The following ADGRL1 variants were observed in gnomAD, a reference collection of about 807,000 sequenced individuals.
ADGRL1 encodes adhesion G protein-coupled receptor L1, also known as CIRL-1.
In ADGRL1, 31 loss-of-function variants were observed where a neutral mutation model predicts 148.9. That is an observed-to-expected ratio of 0.21 (90% CI 0.16 to 0.28). ADGRL1 has a LOEUF of 0.28. Among genes scored for constraint, ADGRL1 ranks in the 10% least tolerant of loss-of-function variants. The pLI is 1.00. For synonymous variants in ADGRL1, 937 were observed against 900.3 expected (o/e 1.04, Z -0.73); for missense variants, 1,521 against 2,058.8 (o/e 0.74, Z 5.05).
At position 14,159,382 on chromosome 19, in the gene ADGRL1, G is replaced by A. The variant is rs769837782; in HGVS notation, c.2023+19C>T. The A allele has an allele frequency of 1.6e-5, 26 of 1,595,002 alleles. 1 individual carries two copies. Among genetic ancestry groups the A allele is most frequent in the South Asian group, 1.2e-4 (11 of 89,112 alleles). On this transcript the variant is annotated intron_variant, in intron 10 of 22. Coordinates refer to ENST00000361434, the MANE Select transcript of ADGRL1 (RefSeq NM_014921.5). This position sits in a 1 kb window ranked among gnomAD's most constrained non-coding sequence, Gnocchi z 6.0. ...TAAGGTTCGTATCTGAGTTTGCCCT[G>A]GGTGACTGTGGCACTCACCCACGTT...
intron 1 of ADGRL1, among the ~76,000 whole-genome samples, chr19:14,199,458 G>T (rs950884580): frequency 1.3e-5 from 2 of 151,832 alleles, no homozygotes; most frequent in African/African-American, 4.8e-5. Flanking sequence ...TAGAGACAGG[G>T]TCTTACTCTG....
intron 3 of ADGRL1, 136 bp downstream of exon 3, chr19:14,177,395 C>A (rs1389867830): frequency 1.2e-6 from 1 of 804,010 alleles, no homozygotes; most frequent in Non-Finnish European, 2.1e-6. Flanking sequence ...TGCATGGGGC[C>A]CAGCACCTAT....
chr19:14,168,372 T>C (rs1290070804), intron 4 of ADGRL1, among the ~76,000 whole-genome samples: 1 of 152,206 alleles, frequency 6.6e-6, no homozygotes, highest in African/African-American at 2.4e-5. Context: ...CTCCTTCCTC[T>C]GGAGCATCAG....
At chr19:14,186,907 T>C (rs1971606742) in intron 1 of ADGRL1, among the ~76,000 whole-genome samples, 1 of 152,252 alleles carries the variant, frequency 6.6e-6, no homozygotes, top group Non-Finnish European at 1.5e-5. Flanking sequence ...TGACCTACCC[T>C]GACCCCCTGC....
intron 4 of ADGRL1, among the ~76,000 whole-genome samples, chr19:14,163,751 T>C (rs1452578341): frequency 6.6e-6 from 1 of 152,018 alleles, no homozygotes; most frequent in African/African-American, 2.4e-5. Flanking sequence ...CCCCACAGGC[T>C]GGGGAGGAGT....
chr19:14,160,375 G>A lies in ADGRL1; in HGVS notation c.1615-78C>T. ...CTGCCCTCCCCGGCTTCCCTGGCCT[G>A]TGCAGCCTCTCCTATCTCTCTCTCC... On this transcript the variant is annotated intron_variant, in intron 7 of 22. Coordinates refer to ENST00000361434, the MANE Select transcript of ADGRL1 (RefSeq NM_014921.5). This position sits in a 1 kb window ranked among gnomAD's most constrained non-coding sequence, Gnocchi z 5.9. 3 of 1,339,248 alleles carry A rather than the reference G, an allele frequency of 2.2e-6. No individual in the cohort carries two copies. Among genetic ancestry groups the A allele is most frequent in the Non-Finnish European group, 3.1e-6 (3 of 972,622 alleles). The allele number at this position is 1,339,248 out of a possible 1,614,324, so 83.0% of individuals were successfully genotyped here.
chr19:14,201,066 G>A (rs112946751), intron 1 of ADGRL1, among the ~76,000 whole-genome samples: 1,808 of 152,230 alleles, frequency 0.012, 35 homozygotes, highest in African/African-American at 0.041. Flanking sequence ...AGGCTAGGGT[G>A]GCCTCTGAGC....
In ADGRL1 at chr19:14,162,846, C is replaced by T; in HGVS notation, c.955G>A (p.Val319Ile). The change falls in exon 5 of 23, where the codon GTC (valine) becomes ATC (isoleucine). Residue 319 changes from valine to isoleucine, a missense_variant. By Grantham distance (29) the Val-to-Ile change is conservative. Around this residue, in one of 8 missense-constraint regions of ADGRL1, gnomAD observed 334 missense variants for 512.5 expected, o/e 0.65. Transcript: ENST00000361434. This position sits in a 1 kb window ranked among gnomAD's most constrained non-coding sequence, Gnocchi z 5.4. ...TACACGGAACGCAGGACGTACAGGA[C>T]CCCACACACCATGAAGGCGTTGGAT... ...SASNAFMVCG[V>I]LYVLRSVYVD... The T allele has an allele frequency of 6.2e-7, 1 of 1,614,090 alleles. No individual in the cohort carries two copies. Among genetic ancestry groups the T allele is most frequent in the Non-Finnish European group, 8.5e-7 (1 of 1,180,010 alleles).
chr19:14,195,190 C>T (rs1256939046), intron 1 of ADGRL1, among the ~76,000 whole-genome samples: 1 of 152,110 alleles, frequency 6.6e-6, no homozygotes, highest in Non-Finnish European at 1.5e-5. Context: ...TTGCACCCAG[C>T]CATAGGCGAC....
chr19:14,194,676 G>T (rs569678022), intron 1 of ADGRL1, among the ~76,000 whole-genome samples: 3 of 152,152 alleles, frequency 2.0e-5, no homozygotes, highest in Admixed American at 2.0e-4. Flanking sequence ...GGTGAGCTGT[G>T]GGGGGATCCT....
chr19:14,161,824 T>C lies in ADGRL1; in HGVS notation c.1196-198A>G, dbSNP rs1209388060. ...AAAGTCCCTTATGCCCATGGGCCCA[T>C]ATAAAGTAGCAAAGAGTGGTAAAAA... On this transcript the variant is annotated intron_variant, in intron 5 of 22. Coordinates refer to ENST00000361434, the MANE Select transcript of ADGRL1 (RefSeq NM_014921.5). The surrounding 1 kb of genome is among the most constrained non-coding windows in gnomAD (Gnocchi z 4.4). Among the ~76,000 whole-genome samples, 1 of 152,100 alleles carries C rather than the reference T, an allele frequency of 6.6e-6. No homozygotes were observed. The highest frequency in any genetic ancestry group is 1.5e-5 in the Non-Finnish European group (1 of 68,008).
chr19:14,149,863 C>A lies in ADGRL1; in HGVS notation c.*1010G>T, dbSNP rs563915804. ...GCGCTGCTCTGCTCCGGAGAAAGCC[C>A]GGGCTGGCCCGGGCCGCAGGCTCCC... On this transcript the variant is annotated 3_prime_UTR_variant, in exon 23 of 23. Transcript: ENST00000361434. The A allele has an allele frequency of 2.3e-4, 34 of 150,108 alleles. No individual in the cohort carries two copies. The highest frequency in any genetic ancestry group is 6.9e-4 in the African/African-American group (28 of 40,594). The allele number at this position is 150,108 out of a possible 1,614,324, so 9.3% of individuals were successfully genotyped here.
chr19:14,163,104 G>C lies in ADGRL1; in HGVS notation c.697C>G (p.Leu233Val). The change falls in exon 5 of 23, where the codon CTA (leucine) becomes GTA (valine). Residue 233 changes from leucine (L) to valine (V), a missense_variant. Physicochemically the swap from Leu to Val is conservative, Grantham distance 32. Around this residue, in one of 8 missense-constraint regions of ADGRL1, gnomAD observed 334 missense variants for 512.5 expected, o/e 0.65. Transcript: ENST00000361434. ...TCCCCGCTCTTGATGCGCGTCCGTA[G>C]GTCATACTTGACGATGTTGCGCGTG... ...ERTRNIVKYDLRTRIKSGETV... is the reference protein window; with the variant it reads ...ERTRNIVKYDVRTRIKSGETV... 6.2e-7 allele frequency: 1 copy of C among 1,614,098 alleles called. No homozygotes were observed. Among genetic ancestry groups the C allele is most frequent in the Non-Finnish European group, 8.5e-7 (1 of 1,180,010 alleles).
At chr19:14,189,041 C>T (rs536643062) in intron 1 of ADGRL1, among the ~76,000 whole-genome samples, 4 of 152,246 alleles carry the variant, frequency 2.6e-5, no homozygotes, top group South Asian at 2.1e-4. Flanking sequence ...CATGAGCCAT[C>T]GTGCCCAGCC....
chr19:14,170,089 A>C (rs1970338324), intron 4 of ADGRL1: 1 of 152,440 alleles, frequency 6.6e-6, no homozygotes, highest in Admixed American at 6.5e-5. Flanking sequence ...CTTCACCCTG[A>C]ATCTGCCACC....
At chr19:14,199,206 T>G (rs1972449163) in intron 1 of ADGRL1, among the ~76,000 whole-genome samples, 1 of 152,114 alleles carries the variant, frequency 6.6e-6, no homozygotes, top group South Asian at 2.1e-4. Context: ...CAATTCTGTC[T>G]CTCCACGGGG....
chr19:14,205,724 A>G (rs1024119091), intron 1 of ADGRL1, among the ~76,000 whole-genome samples: 5 of 149,430 alleles, frequency 3.3e-5, no homozygotes, highest in Admixed American at 3.3e-4. Flanking sequence ...ACCCTGCGGT[A>G]GCCCGTCCGC....
At chr19:14,151,946 G>C (rs1331620030) in intron 22 of ADGRL1, among the ~76,000 whole-genome samples, 187 bp downstream of exon 22, 3 of 152,156 alleles carry the variant, frequency 2.0e-5, no homozygotes, top group African/African-American at 7.2e-5. Flanking sequence ...GCACTTAACA[G>C]CCCAAACTCA....
chr19:14,167,868 ACCCACCCAGGGCCCGGGGG>A (rs1970128021), intron 4 of ADGRL1, among the ~76,000 whole-genome samples: 1 of 151,802 alleles, frequency 6.6e-6, no homozygotes, highest in Non-Finnish European at 1.5e-5. Context: ...TCTCTGCTCA[ACCCACCCAGGGCCCGGGGG>A]CCCAGGAGCT....
Sources: allele counts gnomAD v4.1 joint callset (sites outside exome capture counted in the v4.1 genomes callset), GRCh38; gene constraint gnomAD v4.1.1; regional missense constraint gnomAD v4.1.1; non-coding constraint Gnocchi (gnomAD v3.1); transcripts MANE v1.5; gene names NCBI Gene and HGNC (gene_info 2026-07-23, HGNC 2026-07-21).